Variants in SDK1 observed in about 807,000 individuals in gnomAD.
The protein encoded by SDK1 is sidekick cell adhesion molecule 1.
In SDK1, 157 loss-of-function variants were observed where a neutral mutation model predicts 245.5. The observed-to-expected ratio is 0.64, with a 90% CI of 0.56 to 0.73. SDK1 has a LOEUF of 0.73. Ranked by LOEUF, SDK1 falls within the 30% of genes least tolerant of loss-of-function variation. SDK1 has a pLI of 0.00. For missense variants in SDK1, 3,583 were observed against 3,002.3 expected, an observed-to-expected ratio of 1.19 and a Z score of -4.52; for synonymous variants, 1,647 against 1,278.5, an observed-to-expected ratio of 1.29 and a Z score of -6.15.
At chr7:3,509,065 G>A (rs989286174) in intron 1 of SDK1, among the ~76,000 whole-genome samples, 3 of 144,348 alleles carry the variant, frequency 2.1e-5, no homozygotes, top group Non-Finnish European at 4.5e-5. Flanking sequence ...TAAGGAAGGT[G>A]GGGTGTGTGT....
intron 2 of SDK1, among the ~76,000 whole-genome samples, chr7:3,628,023 A>T (rs1034435058): frequency 1.3e-5 from 2 of 152,104 alleles, no homozygotes; most frequent in African/African-American, 4.8e-5. Flanking sequence ...TTAAGGACCA[A>T]AGGTACTACT....
At chr7:4,128,927 G>A (rs1274372621) in intron 26 of SDK1, among the ~76,000 whole-genome samples, 8 of 126,592 alleles carry the variant, frequency 6.3e-5, no homozygotes, top group Admixed American at 7.7e-5. Context: ...AGAGCAGCTT[G>A]GGGTGGGGTC....
chr7:4,063,418 A>G (rs1219945198), intron 19 of SDK1, among the ~76,000 whole-genome samples: 1 of 152,170 alleles, frequency 6.6e-6, no homozygotes, highest in Non-Finnish European at 1.5e-5. Flanking sequence ...CTACAAAGAA[A>G]AATACAAAAC....
intron 38 of SDK1, among the ~76,000 whole-genome samples, chr7:4,215,303 G>A (rs1026557253): frequency 1.4e-4 from 21 of 152,354 alleles, no homozygotes; most frequent in Middle Eastern, 3.4e-3. Context: ...TGGCAGAGGC[G>A]GAGGGGCCTA....
intron 4 of SDK1, among the ~76,000 whole-genome samples, chr7:3,730,258 A>G (rs1331062848): frequency 6.6e-6 from 1 of 152,142 alleles, no homozygotes; most frequent in Non-Finnish European, 1.5e-5. Context: ...CACTTATTAA[A>G]TTTCTGCAAA....
intron 19 of SDK1, among the ~76,000 whole-genome samples, chr7:4,062,615 G>T (rs1215338363): frequency 2.6e-5 from 4 of 152,188 alleles, no homozygotes; most frequent in Non-Finnish European, 4.4e-5. Flanking sequence ...TATGAGGTCA[G>T]TGTTACCCAG....
chr7:3,356,078 C>G lies in SDK1; in HGVS notation c.298+54194C>G, dbSNP rs185554436. On this transcript the variant is annotated intron_variant, in intron 1 of 44. Transcript: ENST00000404826. ...CGGTTTAAAAAGGAAGTTTCACAGC[C>G]TTGTAGCTTATGAATTCCCATGTCA... Among the ~76,000 whole-genome samples, 488 of 152,274 alleles carry G rather than the reference C, an allele frequency of 3.2e-3. 1 individual carries two copies. Among genetic ancestry groups the G allele is most frequent in the African/African-American group, 0.011 (458 of 41,552 alleles).
intron 1 of SDK1, among the ~76,000 whole-genome samples, chr7:3,595,173 C>G (rs1341138890): frequency 6.6e-6 from 1 of 151,450 alleles, no homozygotes; most frequent in African/African-American, 2.4e-5. Flanking sequence ...TGAGCTTTTT[C>G]AGCTAGCTAA....
intron 5 of SDK1, among the ~76,000 whole-genome samples, chr7:3,885,826 A>G (rs1392460608): frequency 6.6e-6 from 1 of 152,194 alleles, no homozygotes. Flanking sequence ...ATAAGTAACA[A>G]TGGTGATGAC....
intron 1 of SDK1, among the ~76,000 whole-genome samples, chr7:3,469,145 A>G (rs1001848709): frequency 7.9e-5 from 12 of 152,128 alleles, no homozygotes; most frequent in African/African-American, 2.9e-4. Context: ...TCCATCAGAA[A>G]TTCCCCAAAG....
intron 1 of SDK1, among the ~76,000 whole-genome samples, chr7:3,584,804 A>G (rs1217076786): frequency 1.1e-4 from 16 of 151,256 alleles, no homozygotes; most frequent in Non-Finnish European, 2.2e-4. Flanking sequence ...GCTCACTTCA[A>G]GCTCCGCCTC....
intron 5 of SDK1, among the ~76,000 whole-genome samples, chr7:3,832,462 A>C (rs1007402013): frequency 2.0e-5 from 3 of 152,206 alleles, no homozygotes; most frequent in Non-Finnish European, 4.4e-5. Context: ...TGTAGAAGGC[A>C]ATTACAGCAG....
At chr7:4,120,859 G>A (rs1362638210) in intron 25 of SDK1, among the ~76,000 whole-genome samples, 1 of 150,736 alleles carries the variant, frequency 6.6e-6, no homozygotes, top group Non-Finnish European at 1.5e-5. Context: ...CAAGTTATCT[G>A]CCCAACTTGG....
intron 1 of SDK1, among the ~76,000 whole-genome samples, chr7:3,600,989 T>G (rs992719830): frequency 2.6e-5 from 4 of 152,212 alleles, no homozygotes; most frequent in Non-Finnish European, 5.9e-5. Context: ...TCACCTAATT[T>G]TTTTCCTTAT....
chr7:4,069,301 C>G (rs956223299), intron 20 of SDK1, among the ~76,000 whole-genome samples: 1 of 149,664 alleles, frequency 6.7e-6, no homozygotes, highest in Admixed American at 6.6e-5. Flanking sequence ...CAACAGACAT[C>G]TGTTTTTTTT....
At chr7:3,722,054 T>A (rs1778827767) in intron 4 of SDK1, among the ~76,000 whole-genome samples, 1 of 152,070 alleles carries the variant, frequency 6.6e-6, no homozygotes, top group Non-Finnish European at 1.5e-5. Context: ...TTTTTGAGGT[T>A]ATTTTTGTAG....
chr7:4,037,853 A>G (rs1381101817), intron 17 of SDK1, among the ~76,000 whole-genome samples: 1 of 152,218 alleles, frequency 6.6e-6, no homozygotes, highest in East Asian at 1.9e-4. Flanking sequence ...GAATTTTGCT[A>G]TAAAGTGTTT....
intron 1 of SDK1, among the ~76,000 whole-genome samples, chr7:3,479,626 G>C (rs964428018): frequency 6.6e-6 from 1 of 151,916 alleles, no homozygotes; most frequent in Non-Finnish European, 1.5e-5. Flanking sequence ...CACTTTGGGA[G>C]GTCGAGGTGG....
At chr7:3,715,681 A>G (rs1785179639) in intron 4 of SDK1, among the ~76,000 whole-genome samples, 1 of 152,196 alleles carries the variant, frequency 6.6e-6, no homozygotes, top group Admixed American at 6.5e-5. Flanking sequence ...TGCCATCTAA[A>G]ATAAAAGATT....
Sources: allele counts gnomAD v4.1 joint callset (sites outside exome capture counted in the v4.1 genomes callset), GRCh38; gene constraint gnomAD v4.1.1; transcripts MANE v1.5; gene names NCBI Gene and HGNC (gene_info 2026-07-23, HGNC 2026-07-21).